The following ADA variants were observed in gnomAD, a reference collection of about 807,000 sequenced individuals.
ADA encodes the protein adenosine deaminase, also known as adenosine aminohydrolase.
Under a neutral mutation model 49.0 loss-of-function variants are expected in ADA, and 45 were observed. That is an observed-to-expected ratio of 0.92 (90% confidence interval 0.72 to 1.18). The LOEUF (loss-of-function observed/expected upper bound fraction) is 1.18, where lower values mean the gene tolerates loss of function less well. ADA is among the 50% of genes most tolerant of loss of function. The pLI is 0.00. For missense variants in ADA, 445 were observed against 472.5 expected, an observed-to-expected ratio of 0.94 and a Z score of 0.54; for synonymous variants, 173 against 184.2, an observed-to-expected ratio of 0.94 and a Z score of 0.49.
In ADA at chr20:44,651,674, G is replaced by A. The variant is rs926706024; in HGVS notation, c.-67C>T. On this transcript the variant is annotated 5_prime_UTR_variant, in exon 1 of 12. Coordinates refer to ENST00000372874, the MANE Select transcript of ADA (RefSeq NM_000022.4). ...TCGGTGGGTCTCTGCCGGCTCGGTG[G>A]CCGCTCGGCTTTCCCTGGGGCCAGC... 77 of 1,445,010 alleles carry A rather than the reference G, an allele frequency of 5.3e-5. No homozygotes were observed. Among genetic ancestry groups the A allele is most frequent in the Non-Finnish European group, 7.0e-5 (77 of 1,103,968 alleles). 89.5% of individuals were successfully genotyped at this position (1,445,010 alleles called of 1,614,324 possible). A position where few individuals can be genotyped will look rare whatever the true frequency, so the allele number is the denominator to read the frequency against.
intron 2 of ADA, 64 bp from the exon 3 acceptor site, chr20:44,629,233 A>C: frequency 1.2e-6 from 2 of 1,609,594 alleles, no homozygotes; most frequent in Admixed American, 1.7e-5. Flanking sequence ...CTGACAGGCC[A>C]GGATGGAGCA....
chr20:44,626,942 C>T (rs1184088387), intron 3 of ADA, among the ~76,000 whole-genome samples: 1 of 152,156 alleles, frequency 6.6e-6, no homozygotes, highest in Non-Finnish European at 1.5e-5. Context: ...CTCGAAGCCC[C>T]AGTAGCTTCC....
Position 44,620,324 on chromosome 20 carries a change from A to G in ADA, c.1053T>C (p.Tyr351=), listed in dbSNP as rs1360038621. The G allele has an allele frequency of 6.2e-7, 1 of 1,614,202 alleles. No homozygotes were observed. The highest frequency in any genetic ancestry group is 1.1e-5 in the South Asian group (1 of 91,088). ...RELLDLLYKA[Y]GMPPSASAGQ... ...CTGCAGAGGCTGAAGGTGGCATCCC[A>G]TAGGCTTTATAGAGCAGGTCGAGAA... The change falls in exon 11 of 12, where the codon TAT becomes TAC. Residue 351 remains tyrosine, a synonymous_variant. Transcript: ENST00000372874.
At chr20:44,621,588 T>A (rs2065332638) in intron 9 of ADA, among the ~76,000 whole-genome samples, 1 of 152,224 alleles carries the variant, frequency 6.6e-6, no homozygotes, top group Admixed American at 6.5e-5. Flanking sequence ...GACCACCATC[T>A]TGTTGTATCT....
intron 1 of ADA, among the ~76,000 whole-genome samples, chr20:44,649,957 G>C (rs1310622613): frequency 6.6e-6 from 1 of 152,034 alleles, no homozygotes; most frequent in African/African-American, 2.4e-5. Context: ...GGCTGGTCTC[G>C]AACTCCTGGC....
At chr20:44,629,701 C>T (rs1009857270) in intron 2 of ADA, among the ~76,000 whole-genome samples, 6 of 152,156 alleles carry the variant, frequency 3.9e-5, no homozygotes, top group Admixed American at 1.3e-4. Context: ...GGGAGAGGGC[C>T]GGTGGAGGCT....
At chr20:44,649,965 G>A (rs757682338) in intron 1 of ADA, among the ~76,000 whole-genome samples, 7 of 152,012 alleles carry the variant, frequency 4.6e-5, no homozygotes, top group Non-Finnish European at 1.0e-4. Flanking sequence ...TCGAACTCCT[G>A]GCCTCATGAT....
chr20:44,634,125 C>T (rs2065458199), intron 2 of ADA, among the ~76,000 whole-genome samples: 1 of 152,224 alleles, frequency 6.6e-6, no homozygotes, highest in African/African-American at 2.4e-5. Flanking sequence ...CCACCCGGCG[C>T]TCCCAGCCCC....
At chr20:44,651,034 G>T (rs2065640128) in intron 1 of ADA, among the ~76,000 whole-genome samples, 1 of 152,164 alleles carries the variant, frequency 6.6e-6, no homozygotes, top group African/African-American at 2.4e-5. Context: ...TGTTCTTCCC[G>T]CGCGGGGGAA....
In ADA at chr20:44,651,686, T is replaced by C. The variant is rs2065648539; in HGVS notation, c.-79A>G. Reference sequence around the variant, plus strand: ...TGCCGGCTCGGTGGCCGCTCGGCTTTCCCTGGGGCCAGCGGTGGCCGCGGC... The same window carrying C: ...TGCCGGCTCGGTGGCCGCTCGGCTTCCCCTGGGGCCAGCGGTGGCCGCGGC... On this transcript the variant is annotated 5_prime_UTR_variant, in exon 1 of 12. Transcript: ENST00000372874. The C allele has an allele frequency of 4.2e-6, 6 of 1,424,300 alleles. No homozygotes were observed. The highest frequency in any genetic ancestry group is 5.5e-6 in the Non-Finnish European group (6 of 1,094,562). The allele number at this position is 1,424,300 out of a possible 1,614,324, so 88.2% of individuals were successfully genotyped here. A position where few individuals can be genotyped will look rare whatever the true frequency, so the allele number is the denominator to read the frequency against.
intron 3 of ADA, 116 bp downstream of exon 3, chr20:44,628,931 A>T: frequency 6.6e-7 from 1 of 1,508,442 alleles, no homozygotes; most frequent in Non-Finnish European, 9.2e-7. Context: ...CAATGGTGAG[A>T]AAGACAGCTG....
intron 1 of ADA, among the ~76,000 whole-genome samples, chr20:44,648,358 G>T (rs945272553): frequency 6.6e-6 from 1 of 152,104 alleles, no homozygotes; most frequent in African/African-American, 2.4e-5. Context: ...GGTGTTCAGA[G>T]TTCTGAGCGA....
intron 2 of ADA, among the ~76,000 whole-genome samples, chr20:44,634,869 C>G (rs574872049): frequency 6.6e-6 from 1 of 152,326 alleles, no homozygotes; most frequent in African/African-American, 2.4e-5. Context: ...CAGAAATGTT[C>G]AAATTTGGGT....
chr20:44,641,926 C>A (rs983460317), intron 1 of ADA, among the ~76,000 whole-genome samples: 2 of 151,986 alleles, frequency 1.3e-5, no homozygotes, highest in African/African-American at 4.8e-5. Flanking sequence ...CACCACCATG[C>A]CCGGCTAATT....
At chr20:44,624,005 C>A in intron 6 of ADA, 197 bp downstream of exon 6, 1 of 720,386 alleles carries the variant, frequency 1.4e-6, no homozygotes, top group Non-Finnish European at 2.3e-6. Context: ...CCTCGCCTCC[C>A]AAAGTGCTGG....
In ADA at chr20:44,623,078, C is replaced by T; in HGVS notation, c.607G>A (p.Glu203Lys). Residue 203 changes from glutamate (E) to lysine (K), a missense_variant and splice_region_variant, in exon 7 of 12, where the codon GAG becomes AAG. Physicochemically the swap from Glu to Lys is moderately conservative, Grantham distance 56 (BLOSUM62 1). Transcript: ENST00000372874. Reference protein sequence around the residue: ...LLPGHVQAYQEAVKSGIHRTV... With the variant: ...LLPGHVQAYQKAVKSGIHRTV... ...CGGTGAATGCCGCTCTTCACAGCCT[C>T]CTGGAAGGGGGAGAGCCAGGTCATG... The T allele has an allele frequency of 6.2e-7, 1 of 1,614,070 alleles. No individual in the cohort carries two copies. The highest frequency in any genetic ancestry group is 1.7e-5 in the Admixed American group (1 of 60,026).
intron 10 of ADA, chr20:44,620,665 C>T (rs971479385): frequency 1.9e-5 from 11 of 579,390 alleles, no homozygotes; most frequent in Non-Finnish European, 3.4e-5. Context: ...GGGCCAGAGA[C>T]ACCTCGCAGA....
chr20:44,627,403 G>A (rs1267116313), intron 3 of ADA, among the ~76,000 whole-genome samples: 5 of 152,058 alleles, frequency 3.3e-5, no homozygotes, highest in Admixed American at 2.0e-4. Context: ...GGATGGTCTC[G>A]ATCTCCTGAC....
chr20:44,635,255 G>A (rs1395853249), intron 2 of ADA, among the ~76,000 whole-genome samples: 1 of 152,166 alleles, frequency 6.6e-6, no homozygotes, highest in African/African-American at 2.4e-5. Flanking sequence ...GAGAGCTGAG[G>A]CAGGAAGTGT....
Sources: allele counts gnomAD v4.1 joint callset (sites outside exome capture counted in the v4.1 genomes callset), GRCh38; gene constraint gnomAD v4.1.1; transcripts MANE v1.5; gene names NCBI Gene and HGNC (gene_info 2026-07-23, HGNC 2026-07-21).